KAZN: variants seen among roughly 807,000 people sequenced by gnomAD.
KAZN encodes kazrin, periplakin interacting protein, also known as kazrin.
KAZN carries 40 observed loss-of-function variants against 87.4 expected under a neutral mutation model. The observed-to-expected ratio is 0.46, with a 90% CI of 0.36 to 0.60. The LOEUF is 0.60. Among genes scored for constraint, KAZN ranks in the 20% least tolerant of loss-of-function variants. The pLI is 0.00. For missense variants in KAZN, 898 were observed against 1,073.9 expected, an observed-to-expected ratio of 0.84 and a Z score of 2.29; for synonymous variants, 466 against 458.3, an observed-to-expected ratio of 1.02 and a Z score of -0.22.
chr1:14,268,208 G>C (rs1651646456), intron 2 of KAZN, among the ~76,000 whole-genome samples: 1 of 152,176 alleles, frequency 6.6e-6, no homozygotes, highest in Admixed American at 6.5e-5. Flanking sequence ...GCTTAAGGAA[G>C]TTAATATATG....
chr1:14,797,773 T>G (rs1645874963), intron 1 of KAZN, among the ~76,000 whole-genome samples: 1 of 152,214 alleles, frequency 6.6e-6, no homozygotes, highest in African/African-American at 2.4e-5. Flanking sequence ...AGCCTCAGTT[T>G]CCTCATCTGC....
At chr1:14,483,380 T>TA (rs1485721241) in intron 2 of KAZN, among the ~76,000 whole-genome samples, 1 of 152,180 alleles carries the variant, frequency 6.6e-6, no homozygotes, top group Non-Finnish European at 1.5e-5. Flanking sequence ...GTGAGGGACT[T>TA]ACAGCATCAG....
chr1:14,366,893 C>G lies in KAZN; in HGVS notation c.249+186301C>G, dbSNP rs960493954. Among the ~76,000 whole-genome samples, 3 of 152,324 alleles carry G rather than the reference C, an allele frequency of 2.0e-5. No individual in the cohort carries two copies. The East Asian group carries it at 5.8e-4, about 29-fold the overall frequency. On this transcript the variant is annotated intron_variant, in intron 2 of 16. Transcript: ENST00000636203. ...TCAGCATCCAGGAAAAATCAGGTCT[C>G]ACAAACGAATGGAAGGGCAGTGAAT... is the stretch of plus-strand genomic sequence containing the variant.
At chr1:14,341,632 C>T (rs1657732638) in intron 2 of KAZN, among the ~76,000 whole-genome samples, 1 of 152,132 alleles carries the variant, frequency 6.6e-6, no homozygotes, top group South Asian at 2.1e-4. Flanking sequence ...ACATGGCTGA[C>T]CCCTCACTTC....
At chr1:13,909,724 G>A (rs538038075) in intron 1 of KAZN, among the ~76,000 whole-genome samples, 7 of 152,282 alleles carry the variant, frequency 4.6e-5, no homozygotes, top group East Asian at 3.9e-4. Flanking sequence ...GTAGCAAGAC[G>A]AATTAAGCAT....
chr1:14,360,693 C>T (rs372802625), intron 2 of KAZN, among the ~76,000 whole-genome samples: 2,771 of 152,144 alleles, frequency 0.018, 74 homozygotes, highest in African/African-American at 0.064. Flanking sequence ...AACTGTCAGG[C>T]CACTCTGCTG....
intron 2 of KAZN, among the ~76,000 whole-genome samples, chr1:14,298,975 A>T (rs1654332506): frequency 6.6e-6 from 1 of 152,178 alleles, no homozygotes; most frequent in African/African-American, 2.4e-5. Flanking sequence ...ATACGTAAAC[A>T]TGTGTTGCCT....
rs780585557 is a variant in KAZN at position 14,957,420 on chromosome 1, A to T, written c.227-3264A>T. Reference sequence around the variant, plus strand: ...CGACAGACGTTACCGAGTGCCCGTGATGTGTCGCGCAGTCACTGTTTCCAG... The same window carrying T: ...CGACAGACGTTACCGAGTGCCCGTGTTGTGTCGCGCAGTCACTGTTTCCAG... On this transcript the variant is annotated intron_variant, in intron 1 of 14. Transcript: ENST00000376030. Among the ~76,000 whole-genome samples the T allele has an allele frequency of 1.6e-4, 25 of 152,166 alleles. 1 individual carries two copies. The South Asian group carries it at 1.7e-3, about 10-fold the overall frequency.
At chr1:13,971,604 TTGTTGTTGTTG>T (rs2101050518) in intron 1 of KAZN, among the ~76,000 whole-genome samples, 1 of 127,774 alleles carries the variant, frequency 7.8e-6, no homozygotes, top group East Asian at 3.8e-4. Flanking sequence ...GGTTTTTTTT[TTGTTGTTGTTG>T]TTGTTGTTGT....
intron 2 of KAZN, among the ~76,000 whole-genome samples, chr1:14,421,779 G>A (rs1010027914): frequency 6.6e-6 from 1 of 152,010 alleles, no homozygotes; most frequent in African/African-American, 2.4e-5. Context: ...AATTTCTCTC[G>A]GAGTTGGCCA....
intron 2 of KAZN, among the ~76,000 whole-genome samples, chr1:14,347,275 C>T (rs974240909): frequency 6.6e-6 from 1 of 152,176 alleles, no homozygotes; most frequent in Non-Finnish European, 1.5e-5. Context: ...GCTCCCAAGG[C>T]TTATGCAGCA....
At chr1:14,646,393 C>G (rs918831290) in intron 1 of KAZN, among the ~76,000 whole-genome samples, 3 of 152,062 alleles carry the variant, frequency 2.0e-5, no homozygotes, top group Non-Finnish European at 4.4e-5. Context: ...GCCTGGGCAA[C>G]AGAACAAGAC....
At chr1:13,896,181 A>G (rs1429732691) in intron 1 of KAZN, among the ~76,000 whole-genome samples, 3 of 152,166 alleles carry the variant, frequency 2.0e-5, no homozygotes, top group Non-Finnish European at 2.9e-5. Flanking sequence ...AGAGCCAGAT[A>G]ATAAATATTG....
At chr1:14,939,682 G>A (rs912279760) in intron 1 of KAZN, among the ~76,000 whole-genome samples, 3 of 152,282 alleles carry the variant, frequency 2.0e-5, no homozygotes, top group East Asian at 3.9e-4. Context: ...GTGCATTCTC[G>A]GGCACTCGCC....
chr1:14,842,735 G>T (rs1648165925), intron 1 of KAZN, among the ~76,000 whole-genome samples: 1 of 152,096 alleles, frequency 6.6e-6, no homozygotes, highest in South Asian at 2.1e-4. Context: ...CTTTTTCTTT[G>T]TGCTTGTTCT....
chr1:14,544,350 C>CTTTTTTTTTT (rs374148415), intron 2 of KAZN, among the ~76,000 whole-genome samples: 119 of 98,104 alleles, frequency 1.2e-3, no homozygotes, highest in Non-Finnish European at 1.5e-3. Flanking sequence ...TTCTTTCTTT[C>CTTTTTTTTTT]TTTTTTTTTT....
chr1:14,509,415 G>C (rs963338408), intron 2 of KAZN, among the ~76,000 whole-genome samples: 6 of 152,192 alleles, frequency 3.9e-5, no homozygotes, highest in Admixed American at 6.5e-5. Context: ...AACCAGTGTG[G>C]CATGTCCATG....
chr1:14,215,942 T>C (rs1422035138), intron 2 of KAZN, among the ~76,000 whole-genome samples: 3 of 152,220 alleles, frequency 2.0e-5, no homozygotes, highest in Non-Finnish European at 2.9e-5. Context: ...AGCTAAAACA[T>C]ACTATATTTC....
In KAZN at chr1:14,093,179, C is replaced by A. The variant is rs558533596; in HGVS notation, c.92-87256C>A. Among the ~76,000 whole-genome samples, 9 of 152,300 alleles carry A rather than the reference C, an allele frequency of 5.9e-5. No homozygotes were observed. In the South Asian group the frequency reaches 1.9e-3, roughly 32 times the overall value. On this transcript the variant is annotated intron_variant, in intron 1 of 16. Coordinates refer to the KAZN transcript ENST00000636203. ...CTCTGTGCCCCAACACCAGCCACTGCCCGTCAAGAAATTAGTACCTCATCC... is the reference window on the plus strand; with the variant it reads ...CTCTGTGCCCCAACACCAGCCACTGACCGTCAAGAAATTAGTACCTCATCC...
Sources: allele counts gnomAD v4.1 joint callset (sites outside exome capture counted in the v4.1 genomes callset), GRCh38; gene constraint gnomAD v4.1.1; transcripts MANE v1.5; gene names NCBI Gene and HGNC (gene_info 2026-07-23, HGNC 2026-07-21).